The following STRN3 variants were observed in gnomAD, a reference collection of about 807,000 sequenced individuals.
The protein encoded by STRN3 is striatin 3, also known as striatin-3.
STRN3 carries 29 observed loss-of-function variants against 95.6 expected under a neutral mutation model. The ratio of observed to expected loss-of-function variants is 0.30; its 90% confidence interval spans 0.23 to 0.41. The LOEUF is 0.41. Ranked by LOEUF, STRN3 falls within the 10% of genes least tolerant of loss-of-function variation. The probability of loss-of-function intolerance (pLI) is 1.00; values close to 1 mark genes in which losing one functional copy is unlikely to be tolerated. For synonymous variants in STRN3, 331 were observed against 357.6 expected, an observed-to-expected ratio of 0.93 and a Z score of 0.84; for missense variants, 890 against 972.1, an observed-to-expected ratio of 0.92 and a Z score of 1.12.
At chr14:30,997,932 A>G (rs970962013) in intron 1 of STRN3, among the ~76,000 whole-genome samples, 6 of 152,208 alleles carry the variant, frequency 3.9e-5, no homozygotes, top group Non-Finnish European at 8.8e-5. Flanking sequence ...AATAAACCAA[A>G]GGATTGTGGC....
intron 1 of STRN3, among the ~76,000 whole-genome samples, chr14:31,010,094 G>A (rs1295997193): frequency 6.6e-6 from 1 of 152,060 alleles, no homozygotes; most frequent in East Asian, 1.9e-4. Context: ...GTGACGGTAT[G>A]AGACCCTGTC....
chr14:31,019,450 T>C (rs369166279), intron 1 of STRN3, among the ~76,000 whole-genome samples: 2 of 152,314 alleles, frequency 1.3e-5, no homozygotes, highest in South Asian at 2.1e-4. Flanking sequence ...TACTATATTA[T>C]TTTCTTACAT....
chr14:30,941,675 G>C (rs1879101920), intron 5 of STRN3, among the ~76,000 whole-genome samples: 1 of 152,072 alleles, frequency 6.6e-6, no homozygotes. Context: ...ACCCAGGCTG[G>C]AGTACAGTGG....
At chr14:30,970,114 T>A (rs905382747) in intron 1 of STRN3, among the ~76,000 whole-genome samples, 3 of 152,252 alleles carry the variant, frequency 2.0e-5, no homozygotes, top group African/African-American at 7.2e-5. Context: ...AGCATCTAGT[T>A]ATTAACACCA....
intron 1 of STRN3, among the ~76,000 whole-genome samples, chr14:30,984,038 A>G (rs1188471375): frequency 6.6e-6 from 1 of 151,732 alleles, no homozygotes; most frequent in Non-Finnish European, 1.5e-5. Context: ...GGCAGCAACA[A>G]CAACAAAAAG....
intron 1 of STRN3, among the ~76,000 whole-genome samples, chr14:30,962,899 T>C (rs900349147): frequency 2.8e-4 from 42 of 152,232 alleles, no homozygotes; most frequent in African/African-American, 1.0e-3. Context: ...GTGTTACAAC[T>C]GCCTATAGTA....
chr14:30,982,307 C>CAGAG (rs1213858756), intron 1 of STRN3, among the ~76,000 whole-genome samples: 3 of 151,886 alleles, frequency 2.0e-5, no homozygotes, highest in Non-Finnish European at 4.4e-5. Flanking sequence ...AATAGAGATA[C>CAGAG]TCAATTTTTA....
chr14:30,982,564 C>G (rs1238763572), intron 1 of STRN3, among the ~76,000 whole-genome samples: 2 of 152,228 alleles, frequency 1.3e-5, no homozygotes, highest in East Asian at 3.8e-4. Flanking sequence ...CCCGTCTCGG[C>G]ATCCCGAAGT....
In STRN3 at chr14:31,026,091, G is replaced by T. The variant is rs1177145542; in HGVS notation, c.95C>A (p.Pro32His). 6 of 1,528,718 alleles carry T rather than the reference G, an allele frequency of 3.9e-6. No homozygotes were observed. The highest frequency in any genetic ancestry group is 5.3e-6 in the Non-Finnish European group (6 of 1,138,754). 94.7% of individuals were successfully genotyped at this position (1,528,718 alleles called of 1,614,324 possible). A position where few individuals can be genotyped will look rare whatever the true frequency, so the allele number is the denominator to read the frequency against. Residue 32 changes from proline (P) to histidine (H), a missense_variant, in exon 1 of 18, where the codon CCC (proline) becomes CAC (histidine). Transcript: ENST00000357479. Reference sequence around the variant, plus strand: ...GCCGCCCGCCGCTCCGTTCCCCCCGGGCGAAAGGCCCAGGTTCCCCCCAGG... The same window carrying T: ...GCCGCCCGCCGCTCCGTTCCCCCCGTGCGAAAGGCCCAGGTTCCCCCCAGG... ...QGPGGNLGLS[P>H]GGNGAAGGGG...
intron 1 of STRN3, among the ~76,000 whole-genome samples, chr14:30,993,667 C>T (rs984737234): frequency 6.6e-6 from 1 of 150,706 alleles, no homozygotes; most frequent in African/African-American, 2.4e-5. Context: ...CTAACACATT[C>T]ATTGTAACTT....
At position 30,921,065 on chromosome 14, in the gene STRN3, T is replaced by TACACAC. The variant is rs1374593800; in HGVS notation, c.1100-1960_1100-1959insGTGTGT. On this transcript the variant is annotated intron_variant, in intron 8 of 17. Coordinates refer to ENST00000357479, the MANE Select transcript of STRN3 (RefSeq NM_001083893.2). ...GAAAGGTGAGAAGGCTTTCTACACA[T>TACACAC]ACATATACACACACACACACACACA... 5.8e-3 allele frequency among the ~76,000 whole-genome samples: 519 copies of TACACAC among 89,206 alleles called. 6 individuals carry two copies. The highest frequency in any genetic ancestry group is 0.043 in the South Asian group (111 of 2,592). 58.5% of individuals were successfully genotyped at this position (89,206 alleles called of 152,430 possible). A position where few individuals can be genotyped will look rare whatever the true frequency, so the allele number is the denominator to read the frequency against.
chr14:30,925,195 T>C (rs1422841211), intron 8 of STRN3, among the ~76,000 whole-genome samples: 2 of 139,312 alleles, frequency 1.4e-5, no homozygotes, highest in African/African-American at 5.2e-5. Context: ...GACAAGGCTG[T>C]CACTTTTAAC....
At chr14:30,955,513 A>G (rs1355954313) in intron 3 of STRN3, 107 bp downstream of exon 3, 2 of 887,458 alleles carry the variant, frequency 2.3e-6, no homozygotes, top group African/African-American at 3.6e-5. Flanking sequence ...ACAGTTTACA[A>G]TAGTCATTCT....
intron 1 of STRN3, among the ~76,000 whole-genome samples, chr14:30,974,816 TAAACAAAC>T (rs146203314): frequency 2.7e-4 from 41 of 150,520 alleles, no homozygotes; most frequent in East Asian, 2.0e-4. Context: ...AACAAATAAA[TAAACAAAC>T]AAACAGAAGG....
intron 7 of STRN3, among the ~76,000 whole-genome samples, chr14:30,930,074 A>C (rs1258889252): frequency 6.6e-6 from 1 of 151,944 alleles, no homozygotes. Context: ...ATTGCTGTAC[A>C]ACTGCTAAAG....
chr14:30,940,106 C>T (rs977526749), intron 5 of STRN3, among the ~76,000 whole-genome samples: 1 of 152,018 alleles, frequency 6.6e-6, no homozygotes, highest in African/African-American at 2.4e-5. Flanking sequence ...AACTGTACAT[C>T]TCCTTTCAAA....
chr14:31,023,144 GAAGA>G (rs1229916048), intron 1 of STRN3, among the ~76,000 whole-genome samples: 7 of 152,190 alleles, frequency 4.6e-5, no homozygotes, highest in Admixed American at 3.3e-4. Context: ...GCACTACTGT[GAAGA>G]AAGAATCACT....
At chr14:31,009,094 T>C (rs766916766) in intron 1 of STRN3, among the ~76,000 whole-genome samples, 7 of 152,124 alleles carry the variant, frequency 4.6e-5, no homozygotes, top group Non-Finnish European at 7.4e-5. Context: ...CAAAAAAATG[T>C]AGATCTATGT....
chr14:31,015,864 T>C (rs1231517914), intron 1 of STRN3, among the ~76,000 whole-genome samples: 1 of 152,130 alleles, frequency 6.6e-6, no homozygotes, highest in Non-Finnish European at 1.5e-5. Flanking sequence ...AGTGGGGTGA[T>C]CATGGATCAC....
Sources: gnomAD v4.1 joint callset for allele counts (sites outside exome capture counted in the v4.1 genomes callset) on GRCh38, gnomAD v4.1.1 for gene constraint, MANE v1.5 for transcripts, NCBI Gene and HGNC (gene_info 2026-07-23, HGNC 2026-07-21) for gene names.